SLC26A7: variants seen among roughly 807,000 people sequenced by gnomAD.
The protein encoded by SLC26A7 is anion exchange transporter.
SLC26A7 carries 59 observed loss-of-function variants against 82.5 expected under a neutral mutation model. The observed-to-expected ratio is 0.72, with a 90% CI of 0.58 to 0.89. SLC26A7 has a LOEUF of 0.89. Among genes scored for constraint, SLC26A7 ranks in the 40% least tolerant of loss-of-function variants. The pLI, the probability that SLC26A7 is intolerant of heterozygous loss-of-function variation, is 0.00. For synonymous variants in SLC26A7, 271 were observed against 274.3 expected, an observed-to-expected ratio of 0.99 and a Z score of 0.12; for missense variants, 820 against 793.0, an observed-to-expected ratio of 1.03 and a Z score of -0.41.
At chr8:91,301,535 A>G (rs1247048672) in intron 4 of SLC26A7, among the ~76,000 whole-genome samples, 4 of 152,052 alleles carry the variant, frequency 2.6e-5, no homozygotes, top group Admixed American at 1.3e-4. Flanking sequence ...TGTAATTTTA[A>G]AAAAATTTAT....
intron 5 of SLC26A7, among the ~76,000 whole-genome samples, chr8:91,325,052 A>C (rs1311545276): frequency 6.6e-6 from 1 of 152,174 alleles, no homozygotes; most frequent in East Asian, 1.9e-4. Flanking sequence ...GTTTGGCTAC[A>C]AGACCAGACC....
At chr8:91,213,834 A>G (rs997811622) in intron 1 of SLC26A7, among the ~76,000 whole-genome samples, 2 of 152,134 alleles carry the variant, frequency 1.3e-5, no homozygotes, top group African/African-American at 4.8e-5. Context: ...AATCATGTTC[A>G]TAGGGCAGTG....
intron 1 of SLC26A7, among the ~76,000 whole-genome samples, chr8:91,216,723 T>C (rs1251817777): frequency 6.6e-6 from 1 of 152,146 alleles, no homozygotes; most frequent in Admixed American, 6.6e-5. Context: ...ATAATCTAGT[T>C]AGGGAATCAA....
chr8:91,361,623 G>A (rs1190193475), intron 11 of SLC26A7, among the ~76,000 whole-genome samples: 1 of 152,050 alleles, frequency 6.6e-6, no homozygotes, highest in African/African-American at 2.4e-5. Context: ...TCAGCACTAA[G>A]CTTAGAAACG....
At chr8:91,228,752 G>T (rs924937257) in intron 2 of SLC26A7, among the ~76,000 whole-genome samples, 1 of 152,066 alleles carries the variant, frequency 6.6e-6, no homozygotes, top group African/African-American at 2.4e-5. Flanking sequence ...TTTCTTTCTG[G>T]TGTGACTGAA....
chr8:91,362,319 G>T (rs761638839), intron 11 of SLC26A7, 34 bp from the exon 12 acceptor site: 1 of 1,507,622 alleles, frequency 6.6e-7, no homozygotes, highest in African/African-American at 1.4e-5. Context: ...AATTCCAAAG[G>T]ATTCACAACT....
chr8:91,391,905 G>A (rs1010608857), intron 16 of SLC26A7, among the ~76,000 whole-genome samples: 1 of 151,866 alleles, frequency 6.6e-6, no homozygotes, highest in Non-Finnish European at 1.5e-5. Context: ...TCCTTCTCTA[G>A]ATATTACAAA....
chr8:91,376,116 C>T (rs1814509348), intron 15 of SLC26A7, among the ~76,000 whole-genome samples: 1 of 152,034 alleles, frequency 6.6e-6, no homozygotes. Context: ...AGCTATCTTT[C>T]AAATCCTGAA....
At chr8:91,268,603 G>T (rs1811178360) in intron 2 of SLC26A7, among the ~76,000 whole-genome samples, 1 of 151,688 alleles carries the variant, frequency 6.6e-6, no homozygotes, top group Non-Finnish European at 1.5e-5. Context: ...CATATTCAAA[G>T]TGTCACTGAT....
intron 5 of SLC26A7, among the ~76,000 whole-genome samples, chr8:91,331,155 G>A (rs573420799): frequency 4.6e-5 from 7 of 152,220 alleles, no homozygotes; most frequent in Non-Finnish European, 8.8e-5. Context: ...TAAAGGCCCT[G>A]TCTCCAGTAT....
intron 2 of SLC26A7, among the ~76,000 whole-genome samples, chr8:91,259,103 T>G (rs573309046): frequency 6.6e-6 from 1 of 152,224 alleles, no homozygotes; most frequent in East Asian, 1.9e-4. Context: ...ACCACAGGCG[T>G]GCATTGATTG....
chr8:91,219,421 G>A (rs149878528), intron 2 of SLC26A7, among the ~76,000 whole-genome samples: 69 of 152,104 alleles, frequency 4.5e-4, no homozygotes, highest in African/African-American at 1.6e-3. Flanking sequence ...TTTCATTTGA[G>A]GCACTAATAT....
chr8:91,291,606 A>G lies in SLC26A7; in HGVS notation c.304+2360A>G, dbSNP rs185268905. 1.1e-4 allele frequency among the ~76,000 whole-genome samples: 17 copies of G among 152,378 alleles called. No homozygotes were observed. In the East Asian group the frequency reaches 2.9e-3, roughly 26 times the overall value. ...AATATACCATAATTGCTTTAAGAAA[A>G]CAAAAATACACAATTTGAACATACT... On this transcript the variant is annotated intron_variant, in intron 3 of 18. Coordinates refer to ENST00000276609, the MANE Select transcript of SLC26A7 (RefSeq NM_052832.4).
intron 15 of SLC26A7, among the ~76,000 whole-genome samples, chr8:91,374,199 AT>A (rs953958575): frequency 6.7e-5 from 10 of 149,974 alleles, no homozygotes; most frequent in South Asian, 4.2e-4. Context: ...TCTCCTTGGT[AT>A]TTTTTTTGTC....
intron 2 of SLC26A7, among the ~76,000 whole-genome samples, chr8:91,251,633 A>T (rs1349203322): frequency 6.6e-6 from 1 of 152,004 alleles, no homozygotes; most frequent in Non-Finnish European, 1.5e-5. Flanking sequence ...TACATACATT[A>T]TCTCCCCCTA....
At chr8:91,318,524 C>T (rs1314607651) in intron 5 of SLC26A7, 144 bp downstream of exon 5, 2 of 599,162 alleles carry the variant, frequency 3.3e-6, no homozygotes, top group African/African-American at 3.8e-5. Flanking sequence ...TTGAGTGTGA[C>T]TTAAGGTATG....
intron 9 of SLC26A7, among the ~76,000 whole-genome samples, chr8:91,349,097 C>A (rs1391009156): frequency 6.6e-6 from 1 of 152,112 alleles, no homozygotes; most frequent in African/African-American, 2.4e-5. Flanking sequence ...GCTTTGAGGG[C>A]AGACACTATA....
At chr8:91,389,875 A>G (rs937880145) in intron 16 of SLC26A7, among the ~76,000 whole-genome samples, 4 of 152,192 alleles carry the variant, frequency 2.6e-5, no homozygotes, top group African/African-American at 9.6e-5. Context: ...TGGTCTCACA[A>G]GTAGTGCCCA....
chr8:91,320,655 G>T (rs1475658596), intron 5 of SLC26A7, among the ~76,000 whole-genome samples: 1 of 152,132 alleles, frequency 6.6e-6, no homozygotes, highest in African/African-American at 2.4e-5. Flanking sequence ...CTTGCCACTG[G>T]ATCATTTAAG....
Sources: gnomAD v4.1 joint callset for allele counts (sites outside exome capture counted in the v4.1 genomes callset) on GRCh38, gnomAD v4.1.1 for gene constraint, MANE v1.5 for transcripts, NCBI Gene and HGNC (gene_info 2026-07-23, HGNC 2026-07-21) for gene names.